GKAP1: variants seen among roughly 807,000 people sequenced by gnomAD.
GKAP1 encodes the protein G kinase anchoring protein 1.
A neutral mutation model predicts 56.7 loss-of-function variants in GKAP1; 31 were observed. The observed-to-expected ratio is 0.55, with a 90% confidence interval of 0.41 to 0.74. The LOEUF (loss-of-function observed/expected upper bound fraction) is 0.74. GKAP1 is among the 30% of genes least tolerant of loss of function. GKAP1 has a pLI of 0.00. For missense variants in GKAP1, 364 were observed against 402.3 expected, an observed-to-expected ratio of 0.90 and a Z score of 0.82; for synonymous variants, 151 against 138.6, an observed-to-expected ratio of 1.09 and a Z score of -0.63.
At chr9:83,814,672 A>G (rs1314789935) in intron 2 of GKAP1, among the ~76,000 whole-genome samples, 1 of 152,258 alleles carries the variant, frequency 6.6e-6, no homozygotes. Context: ...TTCTTCAAGT[A>G]CACAGCTGTC....
At position 83,747,800 on chromosome 9, in the gene GKAP1, C is replaced by T. The variant is rs572443807; in HGVS notation, c.904+509G>A. Among the ~76,000 whole-genome samples the T allele has an allele frequency of 2.8e-3, 419 of 152,166 alleles. 2 individuals carry two copies. The highest frequency in any genetic ancestry group is 7.9e-3 in the African/African-American group (330 of 41,512). On this transcript the variant is annotated intron_variant, in intron 10 of 12. Transcript: ENST00000376371. ...TACAGGTGTGCACTACCACACCTGG[C>T]TACTTTTCGTATTTTTAGTAGAGAT...
intron 4 of GKAP1, among the ~76,000 whole-genome samples, chr9:83,790,637 AAAACAAAAAAACAAAC>A (rs1425403155): frequency 1.5e-5 from 2 of 132,012 alleles, no homozygotes; most frequent in Non-Finnish European, 1.7e-5. Context: ...AAAACAAAAC[AAAACAAAAAAACAAAC>A]AAACAAAAAA....
At chr9:83,795,974 A>C (rs2131307978) in intron 4 of GKAP1, among the ~76,000 whole-genome samples, 1 of 152,308 alleles carries the variant, frequency 6.6e-6, no homozygotes, top group East Asian at 1.9e-4. Context: ...TGTATAGGCA[A>C]CCAGTTTTCT....
At chr9:83,794,517 T>C (rs1208656101) in intron 4 of GKAP1, among the ~76,000 whole-genome samples, 3 of 152,168 alleles carry the variant, frequency 2.0e-5, no homozygotes, top group Non-Finnish European at 2.9e-5. Flanking sequence ...TCAAATGAAC[T>C]GAAGGATGTC....
intron 7 of GKAP1, among the ~76,000 whole-genome samples, chr9:83,773,139 G>A (rs1449650255): frequency 6.6e-6 from 1 of 152,166 alleles, no homozygotes; most frequent in Non-Finnish European, 1.5e-5. Flanking sequence ...TGCATAGCAA[G>A]CCTATAACCT....
intron 12 of GKAP1, 70 bp from the exon 13 acceptor site, chr9:83,739,814 A>G (rs1587681562): frequency 7.7e-7 from 1 of 1,291,378 alleles, no homozygotes; most frequent in Non-Finnish European, 1.1e-6. Flanking sequence ...CATTTAAAAA[A>G]TATAGACCAA....
At chr9:83,804,707 G>A (rs1243836551) in intron 3 of GKAP1, among the ~76,000 whole-genome samples, 2 of 147,706 alleles carry the variant, frequency 1.4e-5, no homozygotes, top group South Asian at 2.1e-4. Flanking sequence ...CAGCCGCCCC[G>A]TACGGGAGGG....
At chr9:83,786,051 T>C (rs1944058235) in intron 5 of GKAP1, among the ~76,000 whole-genome samples, 1 of 152,194 alleles carries the variant, frequency 6.6e-6, no homozygotes, top group Non-Finnish European at 1.5e-5. Flanking sequence ...ACACATGTAA[T>C]AAGACTCTTT....
chr9:83,748,384 AG>A lies in GKAP1; in HGVS notation c.841-13del. 2.0e-6 allele frequency: 3 copies of A among 1,473,128 alleles called. No individual in the cohort carries two copies. Among genetic ancestry groups the A allele is most frequent in the African/African-American group, 1.4e-5 (1 of 70,622 alleles). The allele number at this position is 1,473,128 out of a possible 1,614,324, so 91.3% of individuals were successfully genotyped here. ...TCCTTATACTTTGCCTAATAGTCAA[AG>A]AAAAAAGATTTAGTTTTTTTAAAAG... On this transcript the variant is annotated splice_polypyrimidine_tract_variant and intron_variant, in intron 9 of 12. Transcript: ENST00000376371.
chr9:83,774,549 G>A (rs1442198586), intron 7 of GKAP1, among the ~76,000 whole-genome samples: 3 of 150,914 alleles, frequency 2.0e-5, no homozygotes, highest in South Asian at 2.1e-4. Context: ...AGCTGAGACC[G>A]TGCCATTGCA....
At chr9:83,798,148 G>A (rs568766298) in intron 4 of GKAP1, among the ~76,000 whole-genome samples, 7 of 152,264 alleles carry the variant, frequency 4.6e-5, no homozygotes, top group South Asian at 4.1e-4. Flanking sequence ...GAATAACTCA[G>A]TATAGTCTAT....
At chr9:83,803,107 C>T (rs1378541454) in intron 3 of GKAP1, among the ~76,000 whole-genome samples, 1 of 152,012 alleles carries the variant, frequency 6.6e-6, no homozygotes, top group Non-Finnish European at 1.5e-5. Flanking sequence ...GAGACCCCGT[C>T]TCAAAAAAAC....
At chr9:83,801,232 G>GAT (rs1944326433) in intron 3 of GKAP1, among the ~76,000 whole-genome samples, 1 of 152,174 alleles carries the variant, frequency 6.6e-6, no homozygotes, top group Non-Finnish European at 1.5e-5. Flanking sequence ...CCAAAGGAAT[G>GAT]CCATGGATTG....
intron 2 of GKAP1, among the ~76,000 whole-genome samples, chr9:83,816,517 A>C (rs1476796656): frequency 6.6e-6 from 1 of 152,238 alleles, no homozygotes; most frequent in African/African-American, 2.4e-5. Flanking sequence ...CTATAGTGTT[A>C]TAAATCTGTT....
chr9:83,779,448 T>TACACACACACACACACAC lies in GKAP1; in HGVS notation c.585+933_585+934insGTGTGTGTGTGTGTGTGT, dbSNP rs368970118. On this transcript the variant is annotated intron_variant, in intron 7 of 12. Coordinates refer to ENST00000376371, the MANE Select transcript of GKAP1 (RefSeq NM_025211.4). ...AGCCATATATATATATATATATATA[T>TACACACACACACACACAC]ACACACACACACACACGCACATATA... Among the ~76,000 whole-genome samples, 451 of 119,594 alleles carry TACACACACACACACACAC rather than the reference T, an allele frequency of 3.8e-3. 12 individuals are homozygous for TACACACACACACACACAC. Among genetic ancestry groups the TACACACACACACACACAC allele is most frequent in the South Asian group, 0.01 (35 of 3,484 alleles). The allele number at this position is 119,594 out of a possible 152,430, so 78.5% of individuals were successfully genotyped here.
chr9:83,771,454 A>T (rs1943759016), intron 7 of GKAP1, among the ~76,000 whole-genome samples: 1 of 152,200 alleles, frequency 6.6e-6, no homozygotes, highest in Non-Finnish European at 1.5e-5. Context: ...ATAATTATTC[A>T]TACTTTTCAC....
chr9:83,811,347 A>C (rs1944503165), intron 2 of GKAP1, among the ~76,000 whole-genome samples: 2 of 152,242 alleles, frequency 1.3e-5, no homozygotes, highest in African/African-American at 4.8e-5. Flanking sequence ...AAAGACCTAA[A>C]GATTACACAT....
At chr9:83,766,943 A>G (rs1378915943) in intron 8 of GKAP1, among the ~76,000 whole-genome samples, 1 of 152,242 alleles carries the variant, frequency 6.6e-6, no homozygotes, top group Non-Finnish European at 1.5e-5. Context: ...CAGAAAATTA[A>G]GGAAGTAAGG....
intron 8 of GKAP1, among the ~76,000 whole-genome samples, chr9:83,756,271 G>GT (rs1329227340): frequency 1.3e-5 from 2 of 151,514 alleles, no homozygotes; most frequent in Admixed American, 6.6e-5. Context: ...GAGGTCGGGA[G>GT]TTTGAGACCA....
Sources: allele counts gnomAD v4.1 joint callset (sites outside exome capture counted in the v4.1 genomes callset), GRCh38; gene constraint gnomAD v4.1.1; transcripts MANE v1.5; gene names NCBI Gene and HGNC (gene_info 2026-07-23, HGNC 2026-07-21).